ZNF117: variants seen among roughly 807,000 people sequenced by gnomAD.
ZNF117 encodes Krueppel-related zinc finger protein.
A neutral mutation model predicts 41.2 loss-of-function variants in ZNF117; 37 were observed. The ratio of observed to expected loss-of-function variants is 0.90; its 90% CI spans 0.69 to 1.18. ZNF117 has a LOEUF of 1.18. Ranked by LOEUF, ZNF117 falls within the 50% of genes most tolerant of loss-of-function variation. The pLI, the probability that ZNF117 is intolerant of heterozygous loss-of-function variation, is 0.00. For missense variants in ZNF117, 546 were observed against 557.5 expected, an observed-to-expected ratio of 0.98 and a Z score of 0.21; for synonymous variants, 186 against 186.6, an observed-to-expected ratio of 1.00 and a Z score of 0.02.
intron 1 of ZNF117, 149 bp downstream of exon 1, chr7:64,989,798 G>C (rs899027405): frequency 1.3e-5 from 2 of 151,366 alleles, no homozygotes; most frequent in African/African-American, 4.9e-5. Flanking sequence ...AATAAGCCAG[G>C]ATCTGTGGCT....
At chr7:64,988,081 AAC>A (rs776527839) in intron 1 of ZNF117, among the ~76,000 whole-genome samples, 26 of 152,026 alleles carry the variant, frequency 1.7e-4, no homozygotes, top group Non-Finnish European at 3.4e-4. Flanking sequence ...TTGAGAAAAA[AAC>A]ACTCCCCTTC....
At chr7:64,974,884 A>C (rs1224144441) in exon 3 of ZNF117, 3 of 151,962 alleles carry the variant, frequency 2.0e-5, no homozygotes, top group Non-Finnish European at 4.4e-5. Context: ...TGGATATTTC[A>C]TTTGCCCTGA....
chr7:64,988,548 G>A (rs1786183579), intron 1 of ZNF117, among the ~76,000 whole-genome samples: 1 of 152,174 alleles, frequency 6.6e-6, no homozygotes, highest in South Asian at 2.1e-4. Context: ...CACAAGACAA[G>A]GATGTTTTCT....
upstream of ZNF117, among the ~76,000 whole-genome samples, chr7:64,985,051 C>T (rs1374592472): frequency 6.6e-6 from 1 of 151,632 alleles, no homozygotes; most frequent in East Asian, 1.9e-4. Context: ...CTTGGCATCC[C>T]AAAGTGCAGG....
chr7:64,979,642 T>A (rs1584048773), intron 2 of ZNF117, 106 bp from the exon 4 acceptor site: 1 of 853,768 alleles, frequency 1.2e-6, no homozygotes, highest in Non-Finnish European at 1.6e-6. Flanking sequence ...CAAGATGGCA[T>A]AGCAAAATAC....
upstream of ZNF117, among the ~76,000 whole-genome samples, chr7:64,986,062 G>C (rs1045132384): frequency 2.6e-5 from 4 of 151,768 alleles, no homozygotes; most frequent in African/African-American, 9.7e-5. Flanking sequence ...CAGGTCTCTG[G>C]ACATGTTTTT....
exon 2 of ZNF117, chr7:64,981,418 C>T (rs1786030290): frequency 1.2e-6 from 2 of 1,613,098 alleles, no homozygotes; most frequent in Non-Finnish European, 8.5e-7. Context: ...CATGTCTCTT[C>T]ATATTCCAGG....
At chr7:64,974,304 G>A (rs188096145), downstream of ZNF117, 6 of 151,672 alleles carry the variant, frequency 4.0e-5, no homozygotes, top group African/African-American at 1.2e-4. Context: ...GAAAAAAATG[G>A]TAAGAAACAA....
intron 2 of ZNF117, chr7:64,980,976 A>G (rs924550631): frequency 6.7e-6 from 1 of 149,964 alleles, no homozygotes; most frequent in African/African-American, 2.8e-5. Flanking sequence ...AACAACAACA[A>G]AAAAACCAAT....
chr7:64,981,312 C>T, intron 2 of ZNF117, 75 bp downstream of exon 3: 7 of 1,567,540 alleles, frequency 4.5e-6, no homozygotes, highest in Non-Finnish European at 6.1e-6. Flanking sequence ...CTTACCAAAT[C>T]ACATTTTAAG....
Position 64,979,388 on chromosome 7 carries a change from C to T in ZNF117, c.183G>A (p.Gln61=), listed in dbSNP as rs763427065. Residue 61 remains glutamine (Q), a synonymous_variant, in exon 3 of 3, where the codon CAG becomes CAA. Transcript: ENST00000620222. ...TAAGTCCACTATAATCTCCTTTGTG[C>T]TGTTTACACTCAACCACACTTTTAC... 2.3e-5 allele frequency: 37 copies of T among 1,609,404 alleles called. No homozygotes were observed. In the South Asian group the frequency reaches 3.7e-4, roughly 16 times the overall value.
In ZNF117 at chr7:64,975,072, C is replaced by T. The variant is rs1406238238; in HGVS notation, c.*3047G>A. ...AAGTTCTTTAGTTTAAAGTCACTGG[C>T]AAGAGAAATTATTAGAGATGTTAGT... On this transcript the variant is annotated 3_prime_UTR_variant, in exon 3 of 3. Transcript: ENST00000620222. 17 of 151,874 alleles carry T rather than the reference C, an allele frequency of 1.1e-4. No homozygotes were observed. In the East Asian group the frequency reaches 3.3e-3, roughly 29 times the overall value. 9.4% of individuals were successfully genotyped at this position (151,874 alleles called of 1,614,324 possible). A position where few individuals can be genotyped will look rare whatever the true frequency, so the allele number is the denominator to read the frequency against.
downstream of ZNF117, chr7:64,974,366 T>C (rs934124631): frequency 6.6e-6 from 1 of 151,890 alleles, no homozygotes; most frequent in African/African-American, 2.4e-5. Context: ...ATAATTTGCA[T>C]GGAGAGATTC....
chr7:64,984,258 A>T (rs1786089935), upstream of ZNF117, among the ~76,000 whole-genome samples: 1 of 152,140 alleles, frequency 6.6e-6, no homozygotes, highest in South Asian at 2.1e-4. Flanking sequence ...CAGCGTCCAG[A>T]GTAGCTGGGA....
chr7:64,977,620 T>G, exon 3 of ZNF117: 1 of 683,680 alleles, frequency 1.5e-6, no homozygotes. Context: ...GACACTTGGC[T>G]AAAAGCTTTG....
At chr7:64,980,655 A>G (rs1401707416) in intron 2 of ZNF117, 1 of 151,984 alleles carries the variant, frequency 6.6e-6, no homozygotes. Context: ...CAGACAAGAG[A>G]ATATTGTGAG....
chr7:64,979,242 T>C (rs1421019751), exon 3 of ZNF117: 16 of 1,608,274 alleles, frequency 9.9e-6, no homozygotes, highest in Non-Finnish European at 1.4e-5. Context: ...TTCTTTACAT[T>C]TAAAATGTTT....
downstream of ZNF117, chr7:64,973,747 A>G (rs1300808934): frequency 6.6e-6 from 1 of 151,946 alleles, no homozygotes; most frequent in Admixed American, 6.6e-5. Flanking sequence ...CAGAAGTCAC[A>G]TAATAAGACA....
At chr7:64,979,333 T>G in exon 3 of ZNF117, 1 of 1,594,090 alleles carries the variant, frequency 6.3e-7, no homozygotes, top group Non-Finnish European at 8.5e-7. Context: ...CATTGAAATA[T>G]TTTGCTCAAG....
Sources: allele counts gnomAD v4.1 joint callset (sites outside exome capture counted in the v4.1 genomes callset), GRCh38; gene constraint gnomAD v4.1.1; transcripts MANE v1.5; gene names NCBI Gene and HGNC (gene_info 2026-07-23, HGNC 2026-07-21).